The following DDX41 variants were observed in gnomAD, a reference collection of about 807,000 sequenced individuals.
DDX41 encodes probable ATP-dependent RNA helicase DDX41.
In DDX41, 50 loss-of-function variants were observed where a neutral mutation model predicts 78.8. That is an observed-to-expected ratio of 0.63 (90% CI 0.51 to 0.80). DDX41 has a LOEUF of 0.80. DDX41 is among the 30% of genes least tolerant of loss of function. The pLI is 0.00. For missense variants in DDX41, 633 were observed against 849.2 expected, an observed-to-expected ratio of 0.75 and a Z score of 3.16; for synonymous variants, 381 against 321.5, an observed-to-expected ratio of 1.19 and a Z score of -1.98.
At position 177,513,934 on chromosome 5, in the gene DDX41, C is replaced by T. The variant is rs1761102959; in HGVS notation, c.936-87G>A. ...GCAGGCACCCTGCATCTGCTCTGCT[C>T]TCTGTCCTCCTTCCTATTTCTTTGT... On this transcript the variant is annotated intron_variant, in intron 9 of 16. Transcript: ENST00000330503. The surrounding 1 kb of genome is among the most constrained non-coding windows in gnomAD (Gnocchi z 4.6). The T allele has an allele frequency of 1.5e-6, 2 of 1,305,248 alleles. No homozygotes were observed. The highest frequency in any genetic ancestry group is 2.9e-5 in the African/African-American group (2 of 68,874). 80.9% of individuals were successfully genotyped at this position (1,305,248 alleles called of 1,614,324 possible). A position where few individuals can be genotyped will look rare whatever the true frequency, so the allele number is the denominator to read the frequency against.
Position 177,514,791 on chromosome 5 carries a change from C to A in DDX41, c.845G>T (p.Arg282Leu). The change falls in exon 9 of 17, where the codon CGC becomes CTC. Residue 282 changes from arginine (R) to leucine (L), a missense_variant. This residue lies in a region of DDX41 where 151 missense variants were observed against 169.2 expected (regional missense o/e 0.89). Coordinates refer to ENST00000330503, the MANE Select transcript of DDX41 (RefSeq NM_016222.4). The surrounding 1 kb of genome is among the most constrained non-coding windows in gnomAD (Gnocchi z 4.2). The part of the protein sequence containing the change: ...QTHGILEYYC[R>L]LLQEDSSPLL... ...TGGTGAGCTGTCCTCCTGCAGCAGG[C>A]GGCAGTAGTACTCCAGGATGCCATG... The A allele has an allele frequency of 6.2e-7, 1 of 1,612,882 alleles. No homozygotes were observed.
rs186248953 is a variant in DDX41, at chr5:177,515,539, G to A, written c.571+146C>T. ...TGAACACGTACAGCTGAGGCAACAA[G>A]GAACCTAAAGAAACTCCTCCTCAAA... is the stretch of plus-strand genomic sequence containing the variant. On this transcript the variant is annotated intron_variant, in intron 6 of 16. Transcript: ENST00000330503. 1.6e-3 allele frequency: 1,646 copies of A among 1,061,422 alleles called. 12 individuals carry two copies. The highest frequency in any genetic ancestry group is 7.9e-3 in the South Asian group (544 of 68,512). 65.8% of individuals were successfully genotyped at this position (1,061,422 alleles called of 1,614,324 possible). A position where few individuals can be genotyped will look rare whatever the true frequency, so the allele number is the denominator to read the frequency against.
Position 177,513,062 on chromosome 5 carries a change from C to T in DDX41, c.1251G>A (p.Glu417=). 1 of 1,613,982 alleles carries T rather than the reference C, an allele frequency of 6.2e-7. No individual in the cohort carries two copies. Among genetic ancestry groups the T allele is most frequent in the Non-Finnish European group, 8.5e-7 (1 of 1,179,938 alleles). ...CGAGCAGGTACACCATCTTGGCCTC[C>T]TCCTTCACATATTCTACCTCCTGCC... The part of the protein sequence containing the change: ...DVIQEVEYVK[E]EAKMVYLLEC... Residue 417 remains glutamate, a synonymous_variant, in exon 12 of 17, where the codon GAG becomes GAA. Transcript: ENST00000330503. This position sits in a 1 kb window ranked among gnomAD's most constrained non-coding sequence, Gnocchi z 4.6.
Position 177,513,138 on chromosome 5 carries a change from C to G in DDX41, c.1231-56G>C. On this transcript the variant is annotated intron_variant, in intron 11 of 16. Coordinates refer to ENST00000330503, the MANE Select transcript of DDX41 (RefSeq NM_016222.4). This position sits in a 1 kb window ranked among gnomAD's most constrained non-coding sequence, Gnocchi z 4.6. ...TTGAGATTAGGCTTACCCGCCACAG[C>G]CCTGCCATGGCCCGTCATCTGGACC... 1 of 1,582,034 alleles carries G rather than the reference C, an allele frequency of 6.3e-7. No homozygotes were observed. Among genetic ancestry groups the G allele is most frequent in the Non-Finnish European group, 8.6e-7 (1 of 1,157,258 alleles).
In DDX41 at chr5:177,515,995, G is replaced by A. The variant is rs897983973; in HGVS notation, c.374-6C>T. 6.2e-7 allele frequency: 1 copy of A among 1,614,186 alleles called. No homozygotes were observed. On this transcript the variant is annotated splice_region_variant and splice_polypyrimidine_tract_variant and intron_variant, in intron 4 of 16. Transcript: ENST00000330503. ...CTCCTTCACTGACATCAATGCTGAA[G>A]AGAGAGACATGGCTCAGGGCTGGCT...
chr5:177,516,561 C>G, intron 2 of DDX41, 114 bp from the exon 3 acceptor site: 2 of 1,444,314 alleles, frequency 1.4e-6, no homozygotes, highest in South Asian at 1.2e-5. Context: ...GCTGCCCTAC[C>G]CCTCAGATCA....
rs770860996 is a variant in DDX41 at position 177,514,940 on chromosome 5, G to A, written c.774C>T (p.Pro258=). The A allele has an allele frequency of 1.9e-6, 3 of 1,612,046 alleles. No individual in the cohort carries two copies. Among genetic ancestry groups the A allele is most frequent in the Non-Finnish European group, 2.5e-6 (3 of 1,178,542 alleles). ...KRLPFSKREG[P]YGLIICPSRE... is the part of the protein sequence containing the mutation. The stretch of plus-strand genomic sequence containing the variant: ...CCGAGGGGCAGATGATGAGTCCATA[G>A]GGCCCCTCGCGCTTTGAGAAGGGTA... Residue 258 remains proline (P), a synonymous_variant, in exon 8 of 17, where the codon CCC becomes CCT. Coordinates refer to ENST00000330503, the MANE Select transcript of DDX41 (RefSeq NM_016222.4). The surrounding 1 kb of genome is among the most constrained non-coding windows in gnomAD (Gnocchi z 4.2).
Position 177,513,918 on chromosome 5 carries a change from C to G in DDX41, c.936-71G>C. On this transcript the variant is annotated intron_variant, in intron 9 of 16. Coordinates refer to ENST00000330503, the MANE Select transcript of DDX41 (RefSeq NM_016222.4). The surrounding 1 kb of genome is among the most constrained non-coding windows in gnomAD (Gnocchi z 4.6). ...ACCTATCTAGAGGCAAGCAGGCACC[C>G]TGCATCTGCTCTGCTCTCTGTCCTC... The G allele has an allele frequency of 6.8e-7, 1 of 1,464,332 alleles. No homozygotes were observed. Among genetic ancestry groups the G allele is most frequent in the Non-Finnish European group, 9.5e-7 (1 of 1,052,434 alleles). 90.7% of individuals were successfully genotyped at this position (1,464,332 alleles called of 1,614,324 possible).
intron 13 of DDX41, 23 bp from the exon 14 acceptor site, chr5:177,512,668 T>C (rs764630749): frequency 6.2e-7 from 1 of 1,613,844 alleles, no homozygotes; most frequent in Non-Finnish European, 8.5e-7. Flanking sequence ...AGGCAGACAC[T>C]GTCAGAGCCA....
At position 177,516,835 on chromosome 5, in the gene DDX41, G is replaced by A. The variant is rs1161708828; in HGVS notation, c.28C>T (p.Arg10Trp). The A allele has an allele frequency of 6.2e-7, 1 of 1,612,834 alleles. No homozygotes were observed. The change falls in exon 2 of 17, where the codon CGG becomes TGG. Residue 10 changes from arginine to tryptophan, a missense_variant and splice_region_variant. Coordinates refer to ENST00000330503, the MANE Select transcript of DDX41 (RefSeq NM_016222.4). ...GCAGGCACCTCGTCGGTGCGAGCCC[G>A]CTGCAAGCACACGCCAGTCAGGCAC... Reference protein sequence around the residue: MEESEPERKRARTDEVPAGG... With the variant: MEESEPERKWARTDEVPAGG...
chr5:177,516,208 G>C lies in DDX41; in HGVS notation c.299-15C>G. 2 of 1,614,126 alleles carry C rather than the reference G, an allele frequency of 1.2e-6. No homozygotes were observed. Among genetic ancestry groups the C allele is most frequent in the Non-Finnish European group, 1.7e-6 (2 of 1,180,040 alleles). On this transcript the variant is annotated splice_polypyrimidine_tract_variant and intron_variant, in intron 3 of 16. Coordinates refer to ENST00000330503, the MANE Select transcript of DDX41 (RefSeq NM_016222.4). The stretch of plus-strand genomic sequence containing the variant: ...CTCTTTGCGCGCTGAGAAAAGAAGT[G>C]GAAGATGTCAGACAGATACCAAAAC...
chr5:177,516,157 T>A lies in DDX41; in HGVS notation c.335A>T (p.Glu112Val). The change falls in exon 4 of 17, where the codon GAA becomes GTA. Residue 112 changes from glutamate (E) to valine (V), a missense_variant. This residue lies in a region of DDX41 where 24 missense variants were observed against 59.8 expected (regional missense o/e 0.40). Transcript: ENST00000330503. ...KESAKEKQLK[E>V]EEKILESVAE... Reference sequence around the variant, plus strand: ...AACACTCTCCAGGATCTTCTCTTCTTCCTTCAGCTGCTTCTCCTTGGCAGA... The same window carrying A: ...AACACTCTCCAGGATCTTCTCTTCTACCTTCAGCTGCTTCTCCTTGGCAGA... 1 of 1,614,038 alleles carries A rather than the reference T, an allele frequency of 6.2e-7. No homozygotes were observed. Among genetic ancestry groups the A allele is most frequent in the Non-Finnish European group, 8.5e-7 (1 of 1,180,036 alleles).
At chr5:177,516,482 G>T in intron 2 of DDX41, 35 bp from the exon 3 acceptor site, 1 of 1,609,768 alleles carries the variant, frequency 6.2e-7, no homozygotes, top group South Asian at 1.1e-5. Flanking sequence ...GATAGGATGG[G>T]CATGGAGTCC....
In DDX41 at chr5:177,513,543, T is replaced by G; in HGVS notation, c.1099-59A>C. 6.2e-7 allele frequency: 1 copy of G among 1,612,392 alleles called. No homozygotes were observed. On this transcript the variant is annotated intron_variant, in intron 10 of 16. Coordinates refer to ENST00000330503, the MANE Select transcript of DDX41 (RefSeq NM_016222.4). This position sits in a 1 kb window ranked among gnomAD's most constrained non-coding sequence, Gnocchi z 4.6. ...CAGGGCTGGGCTGAGGGGCATGGGG[T>G]CTGGGGAAGCTGAGCAACTGAGACA...
In DDX41 at chr5:177,514,087, C is replaced by T. The variant is rs1761110377; in HGVS notation, c.936-240G>A. ...TCCCCCTTCTCCTGGGTCAGCCTCTCACCCAGAAGCGCTGTCATCAAGCTC... is the reference window on the plus strand; with the variant it reads ...TCCCCCTTCTCCTGGGTCAGCCTCTTACCCAGAAGCGCTGTCATCAAGCTC... On this transcript the variant is annotated intron_variant, in intron 9 of 16. Coordinates refer to ENST00000330503, the MANE Select transcript of DDX41 (RefSeq NM_016222.4). The surrounding 1 kb of genome is among the most constrained non-coding windows in gnomAD (Gnocchi z 4.2). The T allele has an allele frequency of 7.5e-6, 5 of 667,328 alleles. No homozygotes were observed. Among genetic ancestry groups the T allele is most frequent in the East Asian group, 2.9e-5 (1 of 34,232 alleles). 41.3% of individuals were successfully genotyped at this position (667,328 alleles called of 1,614,324 possible). A position where few individuals can be genotyped will look rare whatever the true frequency, so the allele number is the denominator to read the frequency against.
intron 5 of DDX41, 28 bp from the exon 6 acceptor site, chr5:177,515,849 A>G (rs367658027): frequency 1.9e-6 from 3 of 1,614,026 alleles, no homozygotes; most frequent in Non-Finnish European, 2.5e-6. Flanking sequence ...GGATCAAGAG[A>G]GCCCTGGGAA....
rs370058568 is a variant in DDX41 at position 177,516,852 on chromosome 5, G to C, written c.28-17C>G. ...GCGAGCCCGCTGCAAGCACACGCCA[G>C]TCAGGCACGGCCTGCTCCCCTCTTC... On this transcript the variant is annotated splice_polypyrimidine_tract_variant and intron_variant, in intron 1 of 16. Coordinates refer to ENST00000330503, the MANE Select transcript of DDX41 (RefSeq NM_016222.4). The C allele has an allele frequency of 6.2e-6, 10 of 1,612,958 alleles. No individual in the cohort carries two copies. The African/African-American group carries it at 1.3e-4, about 22-fold the overall frequency.
At chr5:177,516,214 T>C (rs1333749311) in intron 3 of DDX41, 21 bp from the exon 4 acceptor site, 2 of 1,614,150 alleles carry the variant, frequency 1.2e-6, no homozygotes, top group Admixed American at 3.3e-5. Context: ...AAGTGGAAGA[T>C]GTCAGACAGA....
rs954818528 is a variant in DDX41, at chr5:177,514,424, T to G, written c.935+277A>C. On this transcript the variant is annotated intron_variant, in intron 9 of 16. Coordinates refer to ENST00000330503, the MANE Select transcript of DDX41 (RefSeq NM_016222.4). This position sits in a 1 kb window ranked among gnomAD's most constrained non-coding sequence, Gnocchi z 4.2. ...AGCCTGGACTGCCCCTCTTCCCAATTCAAATGTCACCTTCCCGGAAAAGCC... is the reference window on the plus strand; with the variant it reads ...AGCCTGGACTGCCCCTCTTCCCAATGCAAATGTCACCTTCCCGGAAAAGCC... The G allele has an allele frequency of 3.7e-6, 2 of 542,452 alleles. No homozygotes were observed. Among genetic ancestry groups the G allele is most frequent in the African/African-American group, 3.8e-5 (2 of 52,608 alleles). 33.6% of individuals were successfully genotyped at this position (542,452 alleles called of 1,614,324 possible). A position where few individuals can be genotyped will look rare whatever the true frequency, so the allele number is the denominator to read the frequency against.
Sources: allele counts gnomAD v4.1 joint callset, GRCh38; gene constraint gnomAD v4.1.1; regional missense constraint gnomAD v4.1.1; non-coding constraint Gnocchi (gnomAD v3.1); transcripts MANE v1.5; gene names NCBI Gene and HGNC (gene_info 2026-07-23, HGNC 2026-07-21).